The following USP34 variants were observed in gnomAD, a reference collection of about 807,000 sequenced individuals.
USP34 encodes the protein ubiquitin carboxyl-terminal hydrolase 34.
A neutral mutation model predicts 460.3 loss-of-function variants in USP34; 70 were observed. The observed-to-expected ratio is 0.15, with a 90% confidence interval of 0.13 to 0.19. The LOEUF is 0.19. USP34 is among the 10% of genes least tolerant of loss of function. USP34 has a pLI of 1.00. For missense variants in USP34, 3,985 were observed against 4,236.2 expected (o/e 0.94, Z 1.65); for synonymous variants, 1,647 against 1,405.3 (o/e 1.17, Z -3.85).
chr2:61,395,120 T>C (rs1169769212), intron 4 of USP34, 63 bp downstream of exon 4: 3 of 1,442,318 alleles, frequency 2.1e-6, no homozygotes, highest in Middle Eastern at 1.9e-4. Flanking sequence ...ATAAAACATA[T>C]GGATGAGGCT....
intron 32 of USP34, 109 bp downstream of exon 32, chr2:61,294,835 CTTTAT>C (rs1477899340): frequency 3.2e-5 from 27 of 854,086 alleles, no homozygotes; most frequent in Admixed American, 6.0e-5. Context: ...TTAAACTATG[CTTTAT>C]TTTAATAGTA....
intron 2 of USP34, among the ~76,000 whole-genome samples, chr2:61,416,548 C>G (rs2103962083): frequency 6.6e-6 from 1 of 152,072 alleles, no homozygotes; most frequent in South Asian, 2.1e-4. Context: ...TTGTAATAAG[C>G]TTAAAACAAG....
chr2:61,284,232 G>A (rs1246284908), intron 35 of USP34, among the ~76,000 whole-genome samples: 1 of 152,110 alleles, frequency 6.6e-6, no homozygotes, highest in Non-Finnish European at 1.5e-5. Flanking sequence ...AAACACATAG[G>A]TTATAATGAT....
At chr2:61,411,144 G>A (rs549094042) in intron 2 of USP34, among the ~76,000 whole-genome samples, 1 of 152,184 alleles carries the variant, frequency 6.6e-6, no homozygotes, top group South Asian at 2.1e-4. Context: ...CAGCACTTTG[G>A]GGGGCAGAGG....
At chr2:61,282,816 G>A (rs1689573129) in intron 37 of USP34, among the ~76,000 whole-genome samples, 1 of 151,716 alleles carries the variant, frequency 6.6e-6, no homozygotes, top group African/African-American at 2.4e-5. Flanking sequence ...AAAAAAAAAG[G>A]CCACAGAACT....
chr2:61,406,133 A>G lies in USP34; in HGVS notation c.132-5T>C. On this transcript the variant is annotated splice_polypyrimidine_tract_variant and splice_region_variant and intron_variant, in intron 2 of 79. Coordinates refer to ENST00000398571, the MANE Select transcript of USP34 (RefSeq NM_014709.4). ...TTGAAGCAGCATAGACATTGCCTAT[A>G]AGAGAAAAAAAATTGAATAAATTAG... The G allele has an allele frequency of 6.5e-7, 1 of 1,530,594 alleles. No individual in the cohort carries two copies. The highest frequency in any genetic ancestry group is 8.7e-7 in the Non-Finnish European group (1 of 1,143,228). The allele number at this position is 1,530,594 out of a possible 1,614,324, so 94.8% of individuals were successfully genotyped here. A position where few individuals can be genotyped will look rare whatever the true frequency, so the allele number is the denominator to read the frequency against.
At position 61,371,544 on chromosome 2, in the gene USP34, A is replaced by G. The variant is rs140625976; in HGVS notation, c.1077-965T>C. Among the ~76,000 whole-genome samples the G allele has an allele frequency of 1.1e-3, 173 of 152,264 alleles. 1 individual carries two copies. Among genetic ancestry groups the G allele is most frequent in the African/African-American group, 3.9e-3 (164 of 41,572 alleles). On this transcript the variant is annotated intron_variant, in intron 8 of 79. Transcript: ENST00000398571. ...ACGTGTTTGTGTTTTAAATGTTATT[A>G]TAAGAGTCAAAACGTTAAAAAATTT...
At position 61,265,380 on chromosome 2, in the gene USP34, A is replaced by C; in HGVS notation, c.5778+17T>G. ...TCTGGTTTATAATTTTGATTTTTAA[A>C]GTGAGGAAAATTCTACCTTGGCAGT... On this transcript the variant is annotated intron_variant, in intron 43 of 79. Coordinates refer to ENST00000398571, the MANE Select transcript of USP34 (RefSeq NM_014709.4). 1 of 1,592,496 alleles carries C rather than the reference A, an allele frequency of 6.3e-7. No individual in the cohort carries two copies. Among genetic ancestry groups the C allele is most frequent in the Non-Finnish European group, 8.5e-7 (1 of 1,173,690 alleles).
chr2:61,198,637 G>C (rs1262700903), intron 75 of USP34, among the ~76,000 whole-genome samples: 1 of 151,778 alleles, frequency 6.6e-6, no homozygotes, highest in African/African-American at 2.4e-5. Flanking sequence ...TTGGGAGGCA[G>C]AGGCACACGG....
chr2:61,348,309 C>G lies in USP34; in HGVS notation c.1846G>C (p.Asp616His). The G allele has an allele frequency of 1.2e-6, 2 of 1,614,202 alleles. No individual in the cohort carries two copies. The highest frequency in any genetic ancestry group is 1.7e-6 in the Non-Finnish European group (2 of 1,180,034). ...GSEVQSEDIA[D>H]IEALKEEDED... ...TCTTCCTCTTTGAGGGCTTCAATAT[C>G]TGCAATGTCTTCTGACTGTACCTCA... Residue 616 changes from aspartate (D) to histidine (H), a missense_variant, in exon 15 of 80, where the codon GAT (aspartate) becomes CAT (histidine). Physicochemically the swap from Asp to His is moderately conservative, Grantham distance 81. Coordinates refer to ENST00000398571, the MANE Select transcript of USP34 (RefSeq NM_014709.4).
chr2:61,209,074 T>C (rs946533026), intron 69 of USP34, 97 bp from the exon 70 acceptor site: 4 of 647,140 alleles, frequency 6.2e-6, no homozygotes, highest in Non-Finnish European at 9.8e-6. Context: ...TCATTTAAGC[T>C]CTCTGCTTTC....
intron 70 of USP34, chr2:61,208,584 T>C (rs2103779947): frequency 6.1e-6 from 1 of 165,040 alleles, no homozygotes; most frequent in South Asian, 2.0e-4. Context: ...TTTGGGAAAT[T>C]ATGTGTGCCC....
chr2:61,266,278 T>TA, intron 41 of USP34, 111 bp from the exon 42 acceptor site: 1 of 1,027,664 alleles, frequency 9.7e-7, no homozygotes, highest in East Asian at 2.6e-5. Flanking sequence ...CAAAAACGTA[T>TA]AGCAGCATGA....
At chr2:61,280,821 G>C (rs929458014) in intron 38 of USP34, among the ~76,000 whole-genome samples, 1 of 152,100 alleles carries the variant, frequency 6.6e-6, no homozygotes, top group Non-Finnish European at 1.5e-5. Context: ...ATTAACACAA[G>C]GCCCAGAACC....
At chr2:61,370,456 C>A (rs185475887) in intron 9 of USP34, 42 bp downstream of exon 9, 1 of 1,612,880 alleles carries the variant, frequency 6.2e-7, no homozygotes, top group African/African-American at 1.3e-5. Flanking sequence ...AAATATTCTT[C>A]TCTATCAATA....
intron 43 of USP34, 94 bp from the exon 44 acceptor site, chr2:61,259,870 C>T (rs1431052313): frequency 1.8e-6 from 2 of 1,094,378 alleles, no homozygotes; most frequent in Non-Finnish European, 2.6e-6. Context: ...TACACTGTAT[C>T]TGTTTTCATT....
chr2:61,230,804 A>C (rs968336722), intron 58 of USP34, among the ~76,000 whole-genome samples: 3 of 150,802 alleles, frequency 2.0e-5, no homozygotes, highest in Non-Finnish European at 4.4e-5. Flanking sequence ...AGACCACGGC[A>C]CTGCACTCTA....
At chr2:61,253,078 G>C (rs915459715) in intron 48 of USP34, among the ~76,000 whole-genome samples, 3 of 152,172 alleles carry the variant, frequency 2.0e-5, no homozygotes, top group Admixed American at 6.5e-5. Context: ...TCTGAAAATA[G>C]AACAGTATAT....
intron 76 of USP34, among the ~76,000 whole-genome samples, chr2:61,191,683 GAAGTC>G (rs1179340564): frequency 6.6e-6 from 1 of 152,220 alleles, no homozygotes; most frequent in East Asian, 1.9e-4. Flanking sequence ...GTCTGTGAAA[GAAGTC>G]AAGCGAAGGG....
Sources: allele counts gnomAD v4.1 joint callset (sites outside exome capture counted in the v4.1 genomes callset), GRCh38; gene constraint gnomAD v4.1.1; transcripts MANE v1.5; gene names NCBI Gene and HGNC (gene_info 2026-07-23, HGNC 2026-07-21).